SCP2: variants seen among roughly 807,000 people sequenced by gnomAD.
SCP2 encodes SCP-2/3-oxoacyl-CoA thiolase.
In SCP2, 48 loss-of-function variants were observed where a neutral mutation model predicts 71.4. That is an observed-to-expected ratio of 0.67 (90% CI 0.53 to 0.86). The LOEUF is 0.86. Among genes scored for constraint, SCP2 ranks in the 40% least tolerant of loss-of-function variants. SCP2 has a pLI of 0.00. For synonymous variants in SCP2, 220 were observed against 218.1 expected, an observed-to-expected ratio of 1.01 and a Z score of -0.08; for missense variants, 560 against 655.6, an observed-to-expected ratio of 0.85 and a Z score of 1.59.
At chr1:52,967,491 G>T (rs1387660238) in intron 6 of SCP2, among the ~76,000 whole-genome samples, 1 of 152,030 alleles carries the variant, frequency 6.6e-6, no homozygotes, top group Admixed American at 6.6e-5. Context: ...CTATTTCAAT[G>T]ATATTCTCCT....
intron 6 of SCP2, among the ~76,000 whole-genome samples, chr1:52,971,036 C>T (rs148811212): frequency 0.026 from 3,464 of 130,852 alleles, 148 homozygotes; most frequent in African/African-American, 0.099. Context: ...AGTGCAGTGG[C>T]GCAATCTCAG....
chr1:52,989,937 AC>A (rs1659323055), intron 11 of SCP2, among the ~76,000 whole-genome samples: 1 of 152,184 alleles, frequency 6.6e-6, no homozygotes, highest in South Asian at 2.1e-4. Flanking sequence ...CTCTGGCTAA[AC>A]TTGGGGCTCT....
intron 11 of SCP2, among the ~76,000 whole-genome samples, chr1:53,005,912 A>C (rs1660612756): frequency 6.6e-6 from 1 of 152,212 alleles, no homozygotes; most frequent in Admixed American, 6.5e-5. Context: ...AATTAGAATA[A>C]ACAGCATAGA....
chr1:52,979,984 T>G (rs1658337980), intron 9 of SCP2, among the ~76,000 whole-genome samples: 1 of 151,922 alleles, frequency 6.6e-6, no homozygotes, highest in East Asian at 1.9e-4. Flanking sequence ...TTTTTTTGTT[T>G]CTTTTTTGAG....
intron 4 of SCP2, 117 bp downstream of exon 4, chr1:52,951,003 G>A (rs1443962231): frequency 1.1e-5 from 13 of 1,179,756 alleles, no homozygotes; most frequent in South Asian, 2.5e-5. Flanking sequence ...TCATCAGGCC[G>A]GGTGTGGTGG....
At chr1:52,932,590 A>C (rs967644877) in intron 1 of SCP2, among the ~76,000 whole-genome samples, 11 of 152,328 alleles carry the variant, frequency 7.2e-5, no homozygotes, top group African/African-American at 2.6e-4. Flanking sequence ...GCAATGACTC[A>C]GTTTGGAATA....
intron 13 of SCP2, among the ~76,000 whole-genome samples, chr1:53,029,271 T>C (rs994384117): frequency 4.0e-5 from 6 of 151,888 alleles, no homozygotes. Flanking sequence ...TTTCTGTTTT[T>C]TTTTTTTTTT....
chr1:53,037,793 C>T (rs1339305762), intron 13 of SCP2, among the ~76,000 whole-genome samples: 3 of 151,654 alleles, frequency 2.0e-5, no homozygotes, highest in Non-Finnish European at 4.4e-5. Context: ...TGTATCCCAG[C>T]ACTTTGAGAG....
At chr1:52,960,077 C>T (rs964700860) in intron 5 of SCP2, among the ~76,000 whole-genome samples, 6 of 151,346 alleles carry the variant, frequency 4.0e-5, no homozygotes, top group African/African-American at 9.7e-5. Flanking sequence ...TTTTTAGTAG[C>T]GACGGGGTTT....
At chr1:53,008,713 C>T (rs1660793160) in intron 11 of SCP2, among the ~76,000 whole-genome samples, 1 of 152,170 alleles carries the variant, frequency 6.6e-6, no homozygotes, top group East Asian at 1.9e-4. Context: ...CCTTTGCAAA[C>T]TGGCACAAGA....
chr1:53,012,255 A>C lies in SCP2; in HGVS notation c.1082-2635A>C, dbSNP rs560099511. Among the ~76,000 whole-genome samples, 12 of 152,370 alleles carry C rather than the reference A, an allele frequency of 7.9e-5. No homozygotes were observed. The South Asian group carries it at 2.5e-3, about 32-fold the overall frequency. ...TGCTCAGAGAGGCCAAGAAGAACCT[A>C]GATGGACAGGCCTGGCTGGGTTTCC... On this transcript the variant is annotated intron_variant, in intron 11 of 15. Transcript: ENST00000371514.
chr1:52,948,892 C>T (rs1655045391), intron 3 of SCP2, among the ~76,000 whole-genome samples: 1 of 151,936 alleles, frequency 6.6e-6, no homozygotes, highest in Non-Finnish European at 1.5e-5. Context: ...CATCTTATAA[C>T]TGAAAGTTTG....
At chr1:53,023,911 G>A (rs1241471527) in intron 12 of SCP2, among the ~76,000 whole-genome samples, 1 of 152,032 alleles carries the variant, frequency 6.6e-6, no homozygotes, top group African/African-American at 2.4e-5. Flanking sequence ...AGAAATAGAA[G>A]CCATTAAACC....
chr1:52,969,398 A>G (rs1353274651), intron 6 of SCP2, among the ~76,000 whole-genome samples: 3 of 151,996 alleles, frequency 2.0e-5, no homozygotes, highest in Admixed American at 2.0e-4. Context: ...AGTCTCAGCT[A>G]CTTGGGAAGC....
intron 5 of SCP2, 28 bp from the exon 6 acceptor site, chr1:52,961,475 C>T: frequency 1.2e-6 from 2 of 1,612,440 alleles, no homozygotes; most frequent in Non-Finnish European, 1.7e-6. Context: ...ATGTCAGCTG[C>T]TTATGAAATT....
intron 2 of SCP2, among the ~76,000 whole-genome samples, chr1:52,945,022 A>G (rs1253453636): frequency 6.6e-6 from 1 of 152,022 alleles, no homozygotes; most frequent in Non-Finnish European, 1.5e-5. Flanking sequence ...CCCACTGATT[A>G]TAAGAGCAAT....
At chr1:52,983,425 C>T (rs1658701515) in intron 10 of SCP2, among the ~76,000 whole-genome samples, 1 of 152,124 alleles carries the variant, frequency 6.6e-6, no homozygotes, top group East Asian at 1.9e-4. Context: ...ATTTTTTCCT[C>T]CTCTTCTTCT....
rs550946624 is a variant in SCP2, at chr1:52,955,336, G to A, written c.396+532G>A. Among the ~76,000 whole-genome samples the A allele has an allele frequency of 2.0e-5, 3 of 152,280 alleles. No individual in the cohort carries two copies. The East Asian group carries it at 5.8e-4, about 29-fold the overall frequency. On this transcript the variant is annotated intron_variant, in intron 5 of 15. Transcript: ENST00000371514. ...GCAGCTGTGAGCCACAATTTTAACA[G>A]CCCCCTGGAATGAAAGGGGAAATAG... is the stretch of plus-strand genomic sequence containing the variant.
In SCP2 at chr1:53,015,051, A is replaced by T; in HGVS notation, c.1235+8A>T. 1 of 1,613,754 alleles carries T rather than the reference A, an allele frequency of 6.2e-7. No homozygotes were observed. Among genetic ancestry groups the T allele is most frequent in the South Asian group, 1.1e-5 (1 of 91,050 alleles). ...TTTTCCGGAAGCCGCCAGGTGAGTG[A>T]CATTCAGAGTTTTGTGTGTCAGTTA... On this transcript the variant is annotated splice_region_variant and intron_variant, in intron 12 of 15. Transcript: ENST00000371514.
Sources: allele counts gnomAD v4.1 joint callset (sites outside exome capture counted in the v4.1 genomes callset), GRCh38; gene constraint gnomAD v4.1.1; transcripts MANE v1.5; gene names NCBI Gene and HGNC (gene_info 2026-07-23, HGNC 2026-07-21).